TENM4: variants seen among roughly 807,000 people sequenced by gnomAD.
TENM4 encodes teneurin-4.
Under a neutral mutation model 243.3 loss-of-function variants are expected in TENM4, and 82 were observed. That is an observed-to-expected ratio of 0.34 (90% confidence interval 0.28 to 0.40). The LOEUF (loss-of-function observed/expected upper bound fraction) is 0.40, where lower values mean the gene tolerates loss of function less well. Among genes scored for constraint, TENM4 ranks in the 10% least tolerant of loss-of-function variants. The probability of loss-of-function intolerance (pLI) is 1.00; values close to 1 mark genes in which losing one functional copy is unlikely to be tolerated. For synonymous variants in TENM4, 1,412 were observed against 1,456.3 expected (o/e 0.97, Z 0.69); for missense variants, 3,138 against 3,673.3 (o/e 0.85, Z 3.77).
chr11:79,384,980 G>GAAAATAAA (rs1465031875), intron 1 of TENM4, among the ~76,000 whole-genome samples: 1 of 43,920 alleles, frequency 2.3e-5, no homozygotes, highest in African/African-American at 1.1e-4. Context: ...AAATAAAATG[G>GAAAATAAA]ATGGTCAGGA....
chr11:79,386,403 G>A (rs541288), intron 1 of TENM4, among the ~76,000 whole-genome samples: 81,480 of 151,904 alleles, frequency 0.54, 21,821 homozygotes, highest in East Asian at 0.56. Context: ...AAAGGAAAAA[G>A]GTTAATAAAC....
chr11:79,408,505 T>A lies in TENM4; in HGVS notation c.-321+32004A>T, dbSNP rs566838957. On this transcript the variant is annotated intron_variant, in intron 1 of 33. Transcript: ENST00000278550. ...ATATCACTATTGAATAAAATCGTTT[T>A]GAGGATTACATTAAACAAGAATATG... 4.5e-4 allele frequency among the ~76,000 whole-genome samples: 69 copies of A among 152,350 alleles called. No individual in the cohort carries two copies. In the South Asian group the frequency reaches 8.1e-3, roughly 18 times the overall value.
At chr11:79,107,135 A>G (rs949807884) in intron 4 of TENM4, among the ~76,000 whole-genome samples, 10 of 152,096 alleles carry the variant, frequency 6.6e-5, no homozygotes, top group African/African-American at 1.9e-4. Flanking sequence ...TCACGGTTCT[A>G]TTTCTAGTAA....
rs976836538 is a variant in TENM4, at chr11:78,980,715, C to T, written c.494-77192G>A. ...TGGGCAAAGTTTTAGTTTTCTGAGC[C>T]TCAGTTACTTTACTTATAGAAAAGG... On this transcript the variant is annotated intron_variant, in intron 6 of 33. Transcript: ENST00000278550. Among the ~76,000 whole-genome samples the T allele has an allele frequency of 5.3e-5, 8 of 152,250 alleles. 1 individual carries two copies. The highest frequency in any genetic ancestry group is 3.9e-4 in the Admixed American group (6 of 15,292).
intron 2 of TENM4, among the ~76,000 whole-genome samples, chr11:79,276,569 G>C (rs568121137): frequency 7.2e-5 from 11 of 152,316 alleles, no homozygotes; most frequent in African/African-American, 2.6e-4. Flanking sequence ...AGCGCCCCCT[G>C]ATGCCTGGGC....
chr11:79,115,132 A>T (rs951668875), intron 4 of TENM4, among the ~76,000 whole-genome samples: 1 of 152,164 alleles, frequency 6.6e-6, no homozygotes, highest in African/African-American at 2.4e-5. Context: ...ATGGGAGGCA[A>T]ACTATTTGAG....
intron 1 of TENM4, among the ~76,000 whole-genome samples, chr11:79,342,117 A>G (rs1479136790): frequency 2.0e-5 from 3 of 152,178 alleles, no homozygotes; most frequent in Non-Finnish European, 1.5e-5. Context: ...CTGAGACCCC[A>G]CAGGCAGCTA....
rs553271930 is a variant in TENM4, at chr11:79,374,795, C to CATT, written c.-321+65711_-321+65713dup. 7.2e-5 allele frequency among the ~76,000 whole-genome samples: 11 copies of CATT among 152,046 alleles called. No homozygotes were observed. In the East Asian group the frequency reaches 1.9e-3, roughly 27 times the overall value. On this transcript the variant is annotated intron_variant, in intron 1 of 33. Transcript: ENST00000278550. Reference sequence around the variant, plus strand: ...AAAATAGTTATAGTCTAGAGAAAGGCATTACTACAGTGAAGTTTTAACAGA... The same window carrying CATT: ...AAAATAGTTATAGTCTAGAGAAAGGCATTATTACTACAGTGAAGTTTTAACAGA...
intron 6 of TENM4, among the ~76,000 whole-genome samples, chr11:78,928,360 G>GTA (rs1225563387): frequency 1.3e-5 from 2 of 152,108 alleles, no homozygotes; most frequent in Non-Finnish European, 2.9e-5. Flanking sequence ...AACACTACAG[G>GTA]TATATATAAA....
At chr11:79,288,225 A>G (rs969853186) in intron 2 of TENM4, among the ~76,000 whole-genome samples, 15 of 152,210 alleles carry the variant, frequency 9.9e-5, no homozygotes, top group Admixed American at 6.5e-4. Context: ...ACTTGGCTTC[A>G]GTGTCTCCCC....
chr11:78,807,440 C>T (rs1390390919), intron 14 of TENM4, among the ~76,000 whole-genome samples: 1 of 152,152 alleles, frequency 6.6e-6, no homozygotes, highest in Non-Finnish European at 1.5e-5. Context: ...GGGGCTACAA[C>T]AACATTAACA....
At position 79,205,628 on chromosome 11, in the gene TENM4, T is replaced by C. The variant is rs77043051; in HGVS notation, c.-163+10180A>G. Among the ~76,000 whole-genome samples, 523 of 152,328 alleles carry C rather than the reference T, an allele frequency of 3.4e-3. 3 individuals carry two copies. Among genetic ancestry groups the C allele is most frequent in the African/African-American group, 0.011 (466 of 41,568 alleles). ...GTAATTCCCTGGAGATTCATCCAAA[T>C]TGTTATACATAAGACAGTTCATTCC... On this transcript the variant is annotated intron_variant, in intron 3 of 33. Transcript: ENST00000278550.
intron 2 of TENM4, among the ~76,000 whole-genome samples, chr11:79,259,061 G>A (rs1030956222): frequency 2.0e-5 from 3 of 152,192 alleles, no homozygotes; most frequent in Non-Finnish European, 4.4e-5. Flanking sequence ...ACTAGGTCAC[G>A]TGCTCAGTGT....
chr11:78,905,292 C>T (rs139135160), intron 6 of TENM4, among the ~76,000 whole-genome samples: 54 of 152,166 alleles, frequency 3.5e-4, no homozygotes, highest in African/African-American at 1.2e-3. Context: ...TATGAAGCAC[C>T]ATTAGTGTTA....
intron 11 of TENM4, 79 bp downstream of exon 11, chr11:78,855,885 G>T: frequency 6.6e-6 from 9 of 1,372,210 alleles, no homozygotes; most frequent in Non-Finnish European, 8.0e-6. Flanking sequence ...TAAGGCTCTG[G>T]ATTGGGCTTC....
At chr11:78,935,355 G>C (rs766134510) in intron 6 of TENM4, among the ~76,000 whole-genome samples, 1 of 152,164 alleles carries the variant, frequency 6.6e-6, no homozygotes, top group Admixed American at 6.5e-5. Flanking sequence ...TTGGAAAAAA[G>C]GAAGGGGAAG....
At chr11:79,002,887 T>A (rs535686148) in intron 6 of TENM4, among the ~76,000 whole-genome samples, 1 of 152,052 alleles carries the variant, frequency 6.6e-6, no homozygotes, top group Non-Finnish European at 1.5e-5. Flanking sequence ...AATCCAAGGA[T>A]TCTAAGGAAT....
rs1857959229 is a variant in TENM4, at chr11:78,658,647, A to G, written c.7721T>C (p.Leu2574Ser). 1 of 1,613,922 alleles carries G rather than the reference A, an allele frequency of 6.2e-7. No homozygotes were observed. Among genetic ancestry groups the G allele is most frequent in the East Asian group, 2.2e-5 (1 of 44,902 alleles). Residue 2574 changes from leucine to serine, a missense_variant, in exon 34 of 34, where the codon TTG becomes TCG. Leu to Ser is a moderately radical substitution (Grantham distance 145). Around this residue, in one of 2 missense-constraint regions of TENM4, gnomAD observed 2,467 missense variants for 3,059.1 expected, o/e 0.81. Transcript: ENST00000278550. ...GTCTGTGGTCACTCGGCCATCCTTC[A>G]AGGCAAACTTGACCCCCTTGCCAAA... Reference protein sequence around the residue: ...SVFGKGVKFALKDGRVTTDII... With the variant: ...SVFGKGVKFASKDGRVTTDII...
At chr11:78,956,590 T>C (rs375287234) in intron 6 of TENM4, among the ~76,000 whole-genome samples, 273 of 152,282 alleles carry the variant, frequency 1.8e-3, no homozygotes, top group Non-Finnish European at 3.2e-3. Flanking sequence ...TGCTGTCTAG[T>C]TTTCAAGTTA....
Sources: gnomAD v4.1 joint callset for allele counts (sites outside exome capture counted in the v4.1 genomes callset) on GRCh38, gnomAD v4.1.1 for gene constraint, gnomAD v4.1.1 regional missense constraint, MANE v1.5 for transcripts, NCBI Gene and HGNC (gene_info 2026-07-23, HGNC 2026-07-21) for gene names.